Variants in WDR25 observed in about 807,000 individuals in gnomAD.
WDR25 encodes the protein WD repeat-containing protein 25.
WDR25 carries 35 observed loss-of-function variants against 47.7 expected under a neutral mutation model. The observed-to-expected ratio is 0.73, with a 90% CI of 0.56 to 0.97. WDR25 has a LOEUF of 0.97. Among genes scored for constraint, WDR25 ranks in the 50% least tolerant of loss-of-function variants. The pLI, the probability that WDR25 is intolerant of heterozygous loss-of-function variation, is 0.00. For synonymous variants in WDR25, 248 were observed against 278.9 expected (o/e 0.89, Z 1.10); for missense variants, 634 against 704.7 (o/e 0.90, Z 1.14).
At position 100,404,012 on chromosome 14, in the gene WDR25, G is replaced by T. The variant is rs1897458496; in HGVS notation, c.822+22266G>T. 6.6e-6 allele frequency among the ~76,000 whole-genome samples: 1 copy of T among 152,208 alleles called. No homozygotes were observed. The highest frequency in any genetic ancestry group is 1.5e-5 in the Non-Finnish European group (1 of 68,024). The stretch of plus-strand genomic sequence containing the variant: ...CCTTGAGTAGAATGAGGCAATGTTG[G>T]TGTGGACTTTATCATGGGCTGTACC... On this transcript the variant is annotated intron_variant, in intron 2 of 6. Coordinates refer to ENST00000402312, the MANE Select transcript of WDR25 (RefSeq NM_001161476.3). The surrounding 1 kb of genome is among the most constrained non-coding windows in gnomAD (Gnocchi z 4.6).
At chr14:100,395,200 GT>G (rs1897231077) in intron 2 of WDR25, among the ~76,000 whole-genome samples, 1 of 152,180 alleles carries the variant, frequency 6.6e-6, no homozygotes, top group Non-Finnish European at 1.5e-5. Flanking sequence ...CCTCAGCTGG[GT>G]AATCATCAGA....
At chr14:100,445,106 C>T (rs879843375) in intron 2 of WDR25, among the ~76,000 whole-genome samples, 1 of 152,156 alleles carries the variant, frequency 6.6e-6, no homozygotes, top group Non-Finnish European at 1.5e-5. Context: ...CACCAGGCAC[C>T]CTCTCACTCA....
intron 2 of WDR25, among the ~76,000 whole-genome samples, chr14:100,444,740 C>T (rs576171900): frequency 2.6e-5 from 4 of 152,272 alleles, no homozygotes; most frequent in African/African-American, 7.2e-5. Flanking sequence ...AAGGAGGCAG[C>T]GGCGAAACAG....
intron 5 of WDR25, among the ~76,000 whole-genome samples, chr14:100,527,833 T>C (rs1341033126): frequency 1.3e-5 from 2 of 152,240 alleles, no homozygotes; most frequent in Non-Finnish European, 2.9e-5. Context: ...CTGTGCTTCC[T>C]GCTGCTCCCC....
chr14:100,482,926 T>A (rs901933572), intron 3 of WDR25, among the ~76,000 whole-genome samples: 4 of 152,232 alleles, frequency 2.6e-5, no homozygotes, highest in African/African-American at 4.8e-5. Context: ...TGGGAGCCCT[T>A]GTGGCACCTC....
Position 100,380,984 on chromosome 14 carries a change from G to C in WDR25, c.60G>C (p.Ser20=). ...ASLVAYDDSD[S]EAETEHAGSF... is the part of the protein sequence containing the mutation. Reference sequence around the variant, plus strand: ...TGGTAGCGTATGATGATTCGGACTCGGAGGCTGAGACAGAGCATGCAGGAA... The same window carrying C: ...TGGTAGCGTATGATGATTCGGACTCCGAGGCTGAGACAGAGCATGCAGGAA... The change falls in exon 2 of 7, where the codon TCG becomes TCC. Residue 20 remains serine (S), a synonymous_variant. Coordinates refer to ENST00000402312, the MANE Select transcript of WDR25 (RefSeq NM_001161476.3). 6.2e-7 allele frequency: 1 copy of C among 1,614,204 alleles called. No individual in the cohort carries two copies. Among genetic ancestry groups the C allele is most frequent in the Non-Finnish European group, 8.5e-7 (1 of 1,180,044 alleles).
intron 2 of WDR25, among the ~76,000 whole-genome samples, chr14:100,431,471 G>C (rs1470794293): frequency 6.6e-6 from 1 of 152,014 alleles, no homozygotes; most frequent in African/African-American, 2.4e-5. Flanking sequence ...TTAATATTGA[G>C]GATGATATGC....
In WDR25 at chr14:100,500,476, C is replaced by T. The variant is rs1056324951; in HGVS notation, c.1101+16352C>T. ...ACGGGGCATTCTCTGTGGCCCAGCC[C>T]AAGGCCAGTGCACCACAAAGTGGCC... On this transcript the variant is annotated intron_variant, in intron 4 of 6. Coordinates refer to ENST00000402312, the MANE Select transcript of WDR25 (RefSeq NM_001161476.3). This position sits in a 1 kb window ranked among gnomAD's most constrained non-coding sequence, Gnocchi z 4.7. 1.3e-5 allele frequency among the ~76,000 whole-genome samples: 2 copies of T among 152,188 alleles called. No homozygotes were observed. The highest frequency in any genetic ancestry group is 1.5e-5 in the Non-Finnish European group (1 of 68,028).
chr14:100,405,170 T>G (rs1897496529), intron 2 of WDR25, among the ~76,000 whole-genome samples: 1 of 150,070 alleles, frequency 6.7e-6, no homozygotes, highest in East Asian at 2.0e-4. Context: ...TGCCCCATCT[T>G]TTTTTTTTGA....
intron 3 of WDR25, chr14:100,481,175 C>A: frequency 2.2e-6 from 1 of 455,952 alleles, no homozygotes. Context: ...AGTGGTTAAC[C>A]AAGAAACTAA....
chr14:100,447,072 C>T (rs142561365), intron 2 of WDR25, among the ~76,000 whole-genome samples: 33 of 152,268 alleles, frequency 2.2e-4, no homozygotes, highest in Admixed American at 3.9e-4. Flanking sequence ...ACTAATTCAA[C>T]GCTATTAGAA....
In WDR25 at chr14:100,503,058, C is replaced by CGT. The variant is rs143534778; in HGVS notation, c.1101+18952_1101+18953dup. On this transcript the variant is annotated intron_variant, in intron 4 of 6. Coordinates refer to ENST00000402312, the MANE Select transcript of WDR25 (RefSeq NM_001161476.3). ...GTGTCTGTGTCCGTGTGTGTGTGTG[C>CGT]GTGTGTGTGTGTGTGTGTGCATGCG... is the stretch of plus-strand genomic sequence containing the variant. Among the ~76,000 whole-genome samples the CGT allele has an allele frequency of 3.3e-3, 488 of 146,696 alleles. 3 individuals are homozygous for CGT. The highest frequency in any genetic ancestry group is 3.9e-3 in the Non-Finnish European group (260 of 66,104).
intron 4 of WDR25, among the ~76,000 whole-genome samples, chr14:100,509,099 C>T (rs60513363): frequency 0.12 from 17,876 of 152,092 alleles, 3,452 homozygotes; most frequent in African/African-American, 0.41. Flanking sequence ...GAAAAGTGAA[C>T]TGAGAAATGT....
intron 2 of WDR25, among the ~76,000 whole-genome samples, chr14:100,439,255 C>A (rs1641542030): frequency 1.3e-5 from 2 of 152,212 alleles, no homozygotes; most frequent in African/African-American, 4.8e-5. Flanking sequence ...GGACCCTGCC[C>A]TTTGGCATCT....
In WDR25 at chr14:100,428,354, G is replaced by A. The variant is rs8008373; in HGVS notation, c.823-39667G>A. ...CTTTCCTCTTCCTGGTGTGTGTAGC[G>A]AGCCTGGTCAGAGCATGGCGTCTGG... On this transcript the variant is annotated intron_variant, in intron 2 of 6. Coordinates refer to ENST00000402312, the MANE Select transcript of WDR25 (RefSeq NM_001161476.3). The surrounding 1 kb of genome is among the most constrained non-coding windows in gnomAD (Gnocchi z 4.3). Among the ~76,000 whole-genome samples the A allele has an allele frequency of 0.01, 1,554 of 152,252 alleles. 24 individuals carry two copies. The highest frequency in any genetic ancestry group is 0.035 in the African/African-American group (1,460 of 41,530).
At chr14:100,444,413 C>A (rs527653025) in intron 2 of WDR25, among the ~76,000 whole-genome samples, 1 of 152,314 alleles carries the variant, frequency 6.6e-6, no homozygotes, top group East Asian at 1.9e-4. Context: ...ATCTCTAAAG[C>A]ATATAGTGAA....
intron 2 of WDR25, among the ~76,000 whole-genome samples, chr14:100,396,333 G>C (rs1294123195): frequency 1.3e-5 from 2 of 152,100 alleles, no homozygotes; most frequent in African/African-American, 2.4e-5. Context: ...TTGTACATTT[G>C]TTTATTATTT....
chr14:100,488,521 T>A lies in WDR25; in HGVS notation c.1101+4397T>A, dbSNP rs1385001780. 4.6e-5 allele frequency among the ~76,000 whole-genome samples: 7 copies of A among 152,140 alleles called. No individual in the cohort carries two copies. Among genetic ancestry groups the A allele is most frequent in the African/African-American group, 1.7e-4 (7 of 41,418 alleles). On this transcript the variant is annotated intron_variant, in intron 4 of 6. Coordinates refer to ENST00000402312, the MANE Select transcript of WDR25 (RefSeq NM_001161476.3). This position sits in a 1 kb window ranked among gnomAD's most constrained non-coding sequence, Gnocchi z 4.2. ...AAAAGCCTCTCTGATTCACAATTTTTAAATTGGTATCGTAAAGTGGCAGGC... is the reference window on the plus strand; with the variant it reads ...AAAAGCCTCTCTGATTCACAATTTTAAAATTGGTATCGTAAAGTGGCAGGC...
rs1443901516 is a variant in WDR25, at chr14:100,529,903, G to A, written c.1497G>A (p.Met499Ile). The change falls in exon 7 of 7, where the codon ATG becomes ATA. Residue 499 changes from methionine (M) to isoleucine (I), a missense_variant. Coordinates refer to ENST00000402312, the MANE Select transcript of WDR25 (RefSeq NM_001161476.3). The surrounding 1 kb of genome is among the most constrained non-coding windows in gnomAD (Gnocchi z 5.1). Reference protein sequence around the residue: ...VTGSADGRVLMYSFRTASRAC... With the variant: ...VTGSADGRVLIYSFRTASRAC... The stretch of plus-strand genomic sequence containing the variant: ...GCAGCGCCGATGGCCGGGTCCTGAT[G>A]TACAGCTTCCGCACAGCCAGCCGAG... 5 of 1,613,398 alleles carry A rather than the reference G, an allele frequency of 3.1e-6. No individual in the cohort carries two copies. The South Asian group carries it at 3.3e-5, about 11-fold the overall frequency.
Sources: allele counts gnomAD v4.1 joint callset (sites outside exome capture counted in the v4.1 genomes callset), GRCh38; gene constraint gnomAD v4.1.1; non-coding constraint Gnocchi (gnomAD v3.1); transcripts MANE v1.5; gene names NCBI Gene and HGNC (gene_info 2026-07-23, HGNC 2026-07-21).